GSK3B: variants seen among roughly 807,000 people sequenced by gnomAD.
GSK3B encodes the protein glycogen synthase kinase 3 beta.
Under a neutral mutation model 56.4 loss-of-function variants are expected in GSK3B, and 15 were observed. The observed-to-expected ratio is 0.27, with a 90% confidence interval of 0.18 to 0.41. The LOEUF (loss-of-function observed/expected upper bound fraction) is 0.41. Ranked by LOEUF, GSK3B falls within the 10% of genes least tolerant of loss-of-function variation. The pLI, the probability that GSK3B is intolerant of heterozygous loss-of-function variation, is 1.00. For missense variants in GSK3B, 300 were observed against 513.4 expected (o/e 0.58, Z 4.02); for synonymous variants, 181 against 188.9 (o/e 0.96, Z 0.34).
chr3:119,953,632 A>G (rs981318908), intron 2 of GSK3B, among the ~76,000 whole-genome samples: 2 of 152,164 alleles, frequency 1.3e-5, no homozygotes, highest in African/African-American at 4.8e-5. Flanking sequence ...TCTTCCACTC[A>G]TGACCAATGT....
At chr3:120,066,411 A>G (rs1484102800) in intron 1 of GSK3B, among the ~76,000 whole-genome samples, 2 of 152,202 alleles carry the variant, frequency 1.3e-5, no homozygotes, top group East Asian at 3.8e-4. Context: ...CGGGGCTCAC[A>G]TTGGCAAAAA....
intron 1 of GSK3B, among the ~76,000 whole-genome samples, chr3:120,039,970 C>G (rs1032766459): frequency 6.6e-6 from 1 of 152,224 alleles, no homozygotes; most frequent in South Asian, 2.1e-4. Context: ...CTCGTTGCAG[C>G]AGCCTCAGGG....
intron 7 of GSK3B, among the ~76,000 whole-genome samples, chr3:119,897,793 C>CAAAA (rs11464173): frequency 5.5e-5 from 4 of 73,122 alleles, no homozygotes; most frequent in African/African-American, 1.2e-4. Context: ...GACTCTGTCT[C>CAAAA]AAAAAAAAAA....
chr3:119,829,711 C>T (rs935635259), intron 10 of GSK3B, among the ~76,000 whole-genome samples: 6 of 152,194 alleles, frequency 3.9e-5, no homozygotes, highest in African/African-American at 7.2e-5. Context: ...ATAAATTCAA[C>T]GACTGCTTGC....
At chr3:119,947,981 T>C (rs2057116844) in intron 2 of GSK3B, among the ~76,000 whole-genome samples, 1 of 152,136 alleles carries the variant, frequency 6.6e-6, no homozygotes, top group African/African-American at 2.4e-5. Flanking sequence ...ATGTTCATTC[T>C]TCAAAAAAAG....
At chr3:119,972,854 T>C (rs567144615) in intron 2 of GSK3B, among the ~76,000 whole-genome samples, 3 of 152,312 alleles carry the variant, frequency 2.0e-5, no homozygotes, top group Middle Eastern at 3.4e-3. Context: ...TATTTTGTTA[T>C]TAAAAAACAA....
chr3:119,859,209 T>A (rs1577320349), intron 9 of GSK3B, among the ~76,000 whole-genome samples: 1 of 149,806 alleles, frequency 6.7e-6, no homozygotes, highest in African/African-American at 2.4e-5. Context: ...GCATTACCTG[T>A]GAAATGCAAT....
At chr3:120,053,755 G>T (rs1306431324) in intron 1 of GSK3B, among the ~76,000 whole-genome samples, 3 of 152,138 alleles carry the variant, frequency 2.0e-5, no homozygotes, top group Non-Finnish European at 4.4e-5. Flanking sequence ...TTATGATAGT[G>T]AATAAGTCTT....
chr3:120,056,467 G>A (rs974480473), intron 1 of GSK3B, among the ~76,000 whole-genome samples: 2 of 152,156 alleles, frequency 1.3e-5, no homozygotes, highest in East Asian at 1.9e-4. Flanking sequence ...AGCCTCCCAC[G>A]TAGCTGGGAT....
chr3:119,885,964 AAC>A (rs1294983087), intron 7 of GSK3B, among the ~76,000 whole-genome samples: 6 of 152,282 alleles, frequency 3.9e-5, no homozygotes, highest in African/African-American at 1.4e-4. Context: ...AAACCTAGGA[AAC>A]ACTATTCTGG....
At position 119,844,954 on chromosome 3, in the gene GSK3B, G is replaced by A. The variant is rs185504032; in HGVS notation, c.1097-1601C>T. Among the ~76,000 whole-genome samples, 327 of 152,178 alleles carry A rather than the reference G, an allele frequency of 2.1e-3. 1 individual carries two copies. The highest frequency in any genetic ancestry group is 7.2e-3 in the African/African-American group (301 of 41,532). ...CGAATCTAGCAGCACCTTAAAAAGC[G>A]TATCCACCATGATCAAGTCGGCTTC... is the stretch of plus-strand genomic sequence containing the variant. On this transcript the variant is annotated intron_variant, in intron 9 of 10. Transcript: ENST00000264235.
intron 2 of GSK3B, among the ~76,000 whole-genome samples, chr3:119,964,867 C>T (rs1432443009): frequency 6.6e-6 from 1 of 152,078 alleles, no homozygotes; most frequent in African/African-American, 2.4e-5. Context: ...GATGAGCACA[C>T]ATATTTGTCC....
intron 3 of GSK3B, among the ~76,000 whole-genome samples, chr3:119,944,006 T>C (rs2057075048): frequency 6.6e-6 from 1 of 151,584 alleles, no homozygotes; most frequent in Admixed American, 6.6e-5. Context: ...AAGAGACTGA[T>C]AGAAAAAAAA....
chr3:120,087,051 G>A (rs16830699), intron 1 of GSK3B, among the ~76,000 whole-genome samples: 3,212 of 152,184 alleles, frequency 0.021, 91 homozygotes, highest in South Asian at 0.07. Flanking sequence ...ACAAGGAACC[G>A]TTAATAAAAG....
intron 1 of GSK3B, among the ~76,000 whole-genome samples, chr3:120,054,188 A>G (rs182727431): frequency 5.2e-4 from 79 of 152,366 alleles, no homozygotes; most frequent in Non-Finnish European, 9.4e-4. Context: ...AGAAAGTTCA[A>G]GATGATGGTA....
chr3:119,875,796 G>C (rs74878504), intron 8 of GSK3B, among the ~76,000 whole-genome samples: 2,428 of 151,638 alleles, frequency 0.016, 61 homozygotes, highest in African/African-American at 0.056. Flanking sequence ...AAAAAAAAAA[G>C]TTCCCTGGTA....
At chr3:120,062,600 C>T (rs879271897) in intron 1 of GSK3B, among the ~76,000 whole-genome samples, 5 of 152,114 alleles carry the variant, frequency 3.3e-5, no homozygotes, top group East Asian at 1.9e-4. Context: ...GTTTGAATGG[C>T]GTGATCCAGT....
At chr3:120,032,803 C>T (rs886973163) in intron 1 of GSK3B, among the ~76,000 whole-genome samples, 4 of 152,176 alleles carry the variant, frequency 2.6e-5, no homozygotes, top group African/African-American at 9.7e-5. Flanking sequence ...ATGTACATTT[C>T]CCTAGAACAT....
intron 1 of GSK3B, among the ~76,000 whole-genome samples, chr3:120,018,017 A>G (rs2057841465): frequency 6.6e-6 from 1 of 152,206 alleles, no homozygotes; most frequent in Non-Finnish European, 1.5e-5. Context: ...TAAAATTCAT[A>G]TATTTGACAG....
Sources: gnomAD v4.1 joint callset for allele counts (sites outside exome capture counted in the v4.1 genomes callset) on GRCh38, gnomAD v4.1.1 for gene constraint, MANE v1.5 for transcripts, NCBI Gene and HGNC (gene_info 2026-07-23, HGNC 2026-07-21) for gene names.